POLR2B: variants seen among roughly 807,000 people sequenced by gnomAD.
The protein encoded by POLR2B is DNA-directed RNA polymerase II subunit RPB2.
Under a neutral mutation model 144.6 loss-of-function variants are expected in POLR2B, and 57 were observed. That is an observed-to-expected ratio of 0.39 (90% CI 0.32 to 0.49). POLR2B has a LOEUF of 0.49. Among genes scored for constraint, POLR2B ranks in the 20% least tolerant of loss-of-function variants. The pLI is 0.83. For missense variants in POLR2B, 595 were observed against 1,467.4 expected (o/e 0.41, Z 9.71); for synonymous variants, 442 against 469.8 (o/e 0.94, Z 0.77).
intron 6 of POLR2B, 32 bp downstream of exon 6, chr4:56,995,441 A>G: frequency 6.6e-7 from 1 of 1,516,792 alleles, no homozygotes; most frequent in Non-Finnish European, 9.0e-7. Flanking sequence ...ATTTGGGTTT[A>G]TTCCTTTGTG....
At chr4:56,989,300 G>T (rs566221039) in intron 2 of POLR2B, among the ~76,000 whole-genome samples, 4 of 152,138 alleles carry the variant, frequency 2.6e-5, no homozygotes, top group Admixed American at 6.5e-5. Flanking sequence ...TATATTACAG[G>T]CAATGCCATG....
intron 7 of POLR2B, among the ~76,000 whole-genome samples, chr4:57,003,580 C>T (rs1249641622): frequency 6.6e-6 from 1 of 152,106 alleles, no homozygotes; most frequent in Non-Finnish European, 1.5e-5. Flanking sequence ...AGAATGGGTG[C>T]AGTGGCTCAT....
intron 6 of POLR2B, among the ~76,000 whole-genome samples, chr4:56,996,665 T>G (rs1263691396): frequency 6.6e-6 from 1 of 152,172 alleles, no homozygotes; most frequent in African/African-American, 2.4e-5. Flanking sequence ...ATGATCAAAT[T>G]AGGGTACTTA....
At chr4:57,029,557 A>C (rs1021766308) in intron 23 of POLR2B, among the ~76,000 whole-genome samples, 1 of 152,050 alleles carries the variant, frequency 6.6e-6, no homozygotes, top group African/African-American at 2.4e-5. Context: ...ATCACCATCT[A>C]TTTGCCTGGC....
At position 57,023,979 on chromosome 4, in the gene POLR2B, G is replaced by A; in HGVS notation, c.2857-26G>A. On this transcript the variant is annotated intron_variant, in intron 20 of 24. Transcript: ENST00000314595. This position sits in a 1 kb window ranked among gnomAD's most constrained non-coding sequence, Gnocchi z 4.3. ...TCTAGTTTAGTATATGTATCTTTGA[G>A]TCCCTTTTAAAATTTTTCTTTGTAG... is the stretch of plus-strand genomic sequence containing the variant. 1 of 1,281,140 alleles carries A rather than the reference G, an allele frequency of 7.8e-7. No individual in the cohort carries two copies. The highest frequency in any genetic ancestry group is 1.1e-6 in the Non-Finnish European group (1 of 908,502). 79.4% of individuals were successfully genotyped at this position (1,281,140 alleles called of 1,614,324 possible).
Position 57,015,592 on chromosome 4 carries a change from C to A in POLR2B, c.1891C>A (p.Gln631Lys). The A allele has an allele frequency of 6.6e-7, 1 of 1,517,980 alleles. No individual in the cohort carries two copies. Among genetic ancestry groups the A allele is most frequent in the Non-Finnish European group, 8.9e-7 (1 of 1,121,584 alleles). The allele number at this position is 1,517,980 out of a possible 1,614,324, so 94.0% of individuals were successfully genotyped here. ...TAGACCACTTCTGATTGTGGAAAAA[C>A]AAAAGCTACTTTTGAAGAAGAGGCA... is the stretch of plus-strand genomic sequence containing the variant. ...ICRPLLIVEK[Q>K]KLLLKKRHID... Residue 631 changes from glutamine to lysine, a missense_variant, in exon 14 of 25, where the codon CAA (glutamine) becomes AAA (lysine). By Grantham distance (53) the Gln-to-Lys change is moderately conservative. Coordinates refer to ENST00000314595, the MANE Select transcript of POLR2B (RefSeq NM_000938.3).
chr4:56,990,002 CTTA>C (rs1178351285), intron 2 of POLR2B, among the ~76,000 whole-genome samples: 1 of 152,148 alleles, frequency 6.6e-6, no homozygotes, highest in African/African-American at 2.4e-5. Flanking sequence ...TATGTAAAGA[CTTA>C]TTCTTCTTAT....
rs750408453 is a variant in POLR2B, at chr4:57,005,615, G to A, written c.1113G>A (p.Arg371=). 1.3e-6 allele frequency: 2 copies of A among 1,599,816 alleles called. No homozygotes were observed. The highest frequency in any genetic ancestry group is 1.1e-5 in the South Asian group (1 of 89,932). Residue 371 remains arginine (R), a synonymous_variant, in exon 9 of 25, where the codon AGG becomes AGA. Coordinates refer to ENST00000314595, the MANE Select transcript of POLR2B (RefSeq NM_000938.3). The part of the protein sequence containing the change: ...KAYFLGYMVH[R]LLLAALGRRE... ...TTTTTTAAAGATACATGGTTCATAGGTTACTTCTGGCAGCTTTGGGTAGAA... is the reference window on the plus strand; with the variant it reads ...TTTTTTAAAGATACATGGTTCATAGATTACTTCTGGCAGCTTTGGGTAGAA...
In POLR2B at chr4:57,017,338, T is replaced by A; in HGVS notation, c.2154+97T>A. On this transcript the variant is annotated intron_variant, in intron 15 of 24. Transcript: ENST00000314595. This position sits in a 1 kb window ranked among gnomAD's most constrained non-coding sequence, Gnocchi z 4.8. ...TCTTATCTGGAGGGAAAAAGCCTTT[T>A]AATGAAAAGGCTATTAACTCCTACG... is the stretch of plus-strand genomic sequence containing the variant. 1.1e-6 allele frequency: 1 copy of A among 934,134 alleles called. No homozygotes were observed. Among genetic ancestry groups the A allele is most frequent in the Non-Finnish European group, 1.7e-6 (1 of 604,682 alleles). The allele number at this position is 934,134 out of a possible 1,614,324, so 57.9% of individuals were successfully genotyped here. A position where few individuals can be genotyped will look rare whatever the true frequency, so the allele number is the denominator to read the frequency against.
At chr4:56,984,629 C>T (rs1722261378) in intron 1 of POLR2B, among the ~76,000 whole-genome samples, 1 of 152,162 alleles carries the variant, frequency 6.6e-6, no homozygotes, top group African/African-American at 2.4e-5. Flanking sequence ...AATGTCTGAG[C>T]TATTATACAT....
intron 7 of POLR2B, among the ~76,000 whole-genome samples, chr4:57,004,417 AT>A (rs1722957196): frequency 7.1e-6 from 1 of 141,430 alleles, no homozygotes; most frequent in African/African-American, 2.7e-5. Flanking sequence ...TCTTTTGTAG[AT>A]TTAGGTTCTC....
intron 7 of POLR2B, among the ~76,000 whole-genome samples, chr4:57,000,520 ATCAT>A (rs1173434981): frequency 6.6e-6 from 1 of 152,104 alleles, no homozygotes; most frequent in African/African-American, 2.4e-5. Context: ...CATTTGCTTT[ATCAT>A]TCATTCTTTC....
chr4:56,992,762 C>T (rs559893175), intron 3 of POLR2B, among the ~76,000 whole-genome samples: 115 of 151,302 alleles, frequency 7.6e-4, no homozygotes, highest in African/African-American at 2.7e-3. Flanking sequence ...CAGGGTTTTG[C>T]CGTATTAGCC....
At chr4:57,026,877 C>T (rs1723738668) in intron 23 of POLR2B, among the ~76,000 whole-genome samples, 2 of 152,208 alleles carry the variant, frequency 1.3e-5, no homozygotes, top group Non-Finnish European at 2.9e-5. Context: ...TCTCTAATGA[C>T]CTGGCTTAAT....
Position 57,015,454 on chromosome 4 carries a change from A to C in POLR2B, c.1801-48A>C, listed in dbSNP as rs375970170. The C allele has an allele frequency of 3.5e-4, 363 of 1,042,908 alleles. 2 individuals carry two copies. In the Middle Eastern group the frequency reaches 0.014, roughly 39 times the overall value. The allele number at this position is 1,042,908 out of a possible 1,614,324, so 64.6% of individuals were successfully genotyped here. A position where few individuals can be genotyped will look rare whatever the true frequency, so the allele number is the denominator to read the frequency against. Reference sequence around the variant, plus strand: ...TGTATTTTTAACTAAGCCTAATAATAAAGAGAAAATAAAAATTTGTGGAAC... The same window carrying C: ...TGTATTTTTAACTAAGCCTAATAATCAAGAGAAAATAAAAATTTGTGGAAC... On this transcript the variant is annotated intron_variant, in intron 13 of 24. Coordinates refer to ENST00000314595, the MANE Select transcript of POLR2B (RefSeq NM_000938.3).
At chr4:57,030,671 A>T in intron 24 of POLR2B, 1 of 548,298 alleles carries the variant, frequency 1.8e-6, no homozygotes. Context: ...GTTTTTGAAA[A>T]CCTTTTAGTT....
intron 13 of POLR2B, 59 bp from the exon 14 acceptor site, chr4:57,015,443 A>G (rs1039322616): frequency 1.3e-4 from 117 of 886,544 alleles, no homozygotes; most frequent in Middle Eastern, 4.9e-4. Context: ...TTTTTAACTA[A>G]GCCTAATAAT....
Position 57,023,270 on chromosome 4 carries a change from G to A in POLR2B, c.2516-60G>A. On this transcript the variant is annotated intron_variant, in intron 18 of 24. Coordinates refer to ENST00000314595, the MANE Select transcript of POLR2B (RefSeq NM_000938.3). The surrounding 1 kb of genome is among the most constrained non-coding windows in gnomAD (Gnocchi z 4.3). ...TCTCTCTGACTTGGAACTGATTCAT[G>A]TATGTGGTTTTTAATCTTTGTTGGG... 6 of 1,565,722 alleles carry A rather than the reference G, an allele frequency of 3.8e-6. No individual in the cohort carries two copies. The highest frequency in any genetic ancestry group is 1.7e-5 in the Admixed American group (1 of 58,972).
rs777469052 is a variant in POLR2B, at chr4:57,005,579, TTTC to T, written c.1098-18_1098-16del. On this transcript the variant is annotated intron_variant, in intron 8 of 24. Coordinates refer to ENST00000314595, the MANE Select transcript of POLR2B (RefSeq NM_000938.3). ...ACTAAGTGTTTTCCCTCTTTCTTTCTTTCTTTTTTTTTTTTTAAAGATACATGG... is the reference window on the plus strand; with the variant it reads ...ACTAAGTGTTTTCCCTCTTTCTTTCTTTTTTTTTTTTTTAAAGATACATGG... The T allele has an allele frequency of 2.8e-5, 43 of 1,516,418 alleles. No individual in the cohort carries two copies. The highest frequency in any genetic ancestry group is 2.4e-4 in the East Asian group (10 of 41,518). 93.9% of individuals were successfully genotyped at this position (1,516,418 alleles called of 1,614,324 possible).
Sources: allele counts gnomAD v4.1 joint callset (sites outside exome capture counted in the v4.1 genomes callset), GRCh38; gene constraint gnomAD v4.1.1; non-coding constraint Gnocchi (gnomAD v3.1); transcripts MANE v1.5; gene names NCBI Gene and HGNC (gene_info 2026-07-23, HGNC 2026-07-21).